The following FNIP1 variants were observed in gnomAD, a reference collection of about 807,000 sequenced individuals.
FNIP1 encodes the protein folliculin-interacting protein 1.
Under a neutral mutation model 124.5 loss-of-function variants are expected in FNIP1, and 40 were observed. The ratio of observed to expected loss-of-function variants is 0.32; its 90% CI spans 0.25 to 0.42. FNIP1 has a LOEUF of 0.42. Among genes scored for constraint, FNIP1 ranks in the 10% least tolerant of loss-of-function variants. The pLI is 1.00. For synonymous variants in FNIP1, 472 were observed against 470.6 expected, an observed-to-expected ratio of 1.00 and a Z score of -0.04; for missense variants, 1,176 against 1,403.7, an observed-to-expected ratio of 0.84 and a Z score of 2.59.
chr5:131,795,119 C>T (rs1423109316), intron 1 of FNIP1, among the ~76,000 whole-genome samples: 1 of 152,138 alleles, frequency 6.6e-6, no homozygotes, highest in African/African-American at 2.4e-5. Flanking sequence ...TCTGTTTCAT[C>T]AGTTTTCATT....
chr5:131,730,854 C>G lies in FNIP1; in HGVS notation c.354+50G>C, dbSNP rs373557321. On this transcript the variant is annotated intron_variant, in intron 3 of 17. Coordinates refer to ENST00000510461, the MANE Select transcript of FNIP1 (RefSeq NM_133372.3). ...TCTCCACAGTCCACTGGATGATGTTCAAAACTAATTATAAATGAATGAATA... is the reference window on the plus strand; with the variant it reads ...TCTCCACAGTCCACTGGATGATGTTGAAAACTAATTATAAATGAATGAATA... The G allele has an allele frequency of 1.1e-5, 17 of 1,498,990 alleles. No individual in the cohort carries two copies. In the African/African-American group the frequency reaches 2.4e-4, roughly 21 times the overall value. The allele number at this position is 1,498,990 out of a possible 1,614,324, so 92.9% of individuals were successfully genotyped here.
At chr5:131,736,474 G>A (rs115280930) in intron 2 of FNIP1, among the ~76,000 whole-genome samples, 1,630 of 152,216 alleles carry the variant, frequency 0.011, 13 homozygotes, top group Non-Finnish European at 0.016. Flanking sequence ...TAAGTACTAC[G>A]CGTTCTAAGC....
intron 2 of FNIP1, among the ~76,000 whole-genome samples, chr5:131,736,240 C>T (rs538474537): frequency 6.6e-6 from 1 of 152,250 alleles, no homozygotes; most frequent in South Asian, 2.1e-4. Context: ...ACTTATTGAT[C>T]ACCAACAAAA....
intron 13 of FNIP1, among the ~76,000 whole-genome samples, chr5:131,674,116 T>G (rs2149515908): frequency 1.3e-5 from 2 of 152,246 alleles, no homozygotes; most frequent in South Asian, 4.1e-4. Flanking sequence ...CTGTTGTTCC[T>G]CTAGCCAGCA....
intron 3 of FNIP1, among the ~76,000 whole-genome samples, chr5:131,729,150 A>T (rs529984959): frequency 3.7e-4 from 56 of 152,140 alleles, no homozygotes; most frequent in Non-Finnish European, 6.8e-4. Flanking sequence ...CCCAGTGAGG[A>T]GTCATAGGGG....
Position 131,706,456 on chromosome 5 carries a change from C to T in FNIP1, c.869G>A (p.Arg290Gln), listed in dbSNP as rs774540208. The T allele has an allele frequency of 1.9e-5, 31 of 1,613,184 alleles. No individual in the cohort carries two copies. Among genetic ancestry groups the T allele is most frequent in the Non-Finnish European group, 2.5e-5 (29 of 1,179,584 alleles). ...SCASSYQRRW[R>Q]RSQTTSLENG... is the part of the protein sequence containing the mutation. ...TTCCAAACTTGTTGTTTGGCTGCGTCGCCAACGTCGCTGGTAGCTGCTGGC... is the reference window on the plus strand; with the variant it reads ...TTCCAAACTTGTTGTTTGGCTGCGTTGCCAACGTCGCTGGTAGCTGCTGGC... The change falls in exon 9 of 18, where the codon CGA becomes CAA. Residue 290 changes from arginine to glutamine, a missense_variant. This residue lies in a region of FNIP1 where 1,109 missense variants were observed against 1,288.5 expected (regional missense o/e 0.86). Transcript: ENST00000510461.
At chr5:131,771,168 A>G (rs977652404) in intron 1 of FNIP1, among the ~76,000 whole-genome samples, 1 of 152,182 alleles carries the variant, frequency 6.6e-6, no homozygotes, top group Non-Finnish European at 1.5e-5. Context: ...CTCAGAATTA[A>G]CTATTAAAAG....
rs750681419 is a variant in FNIP1, at chr5:131,671,810, G to A, written c.2634C>T (p.Asn878=). The A allele has an allele frequency of 1.9e-6, 3 of 1,613,878 alleles. No individual in the cohort carries two copies. The highest frequency in any genetic ancestry group is 2.5e-6 in the Non-Finnish European group (3 of 1,179,936). ...EFSKILCTKN[N]KQNNEFCKCI... ...ATTTACAAAATTCATTGTTCTGCTT[G>A]TTATTTTTTGTACACAATATTTTTG... The change falls in exon 14 of 18, where the codon AAC becomes AAT. Residue 878 remains asparagine, a synonymous_variant. Transcript: ENST00000510461.
chr5:131,646,483 T>A (rs1489758689), intron 17 of FNIP1, among the ~76,000 whole-genome samples: 1 of 152,242 alleles, frequency 6.6e-6, no homozygotes, highest in Non-Finnish European at 1.5e-5. Flanking sequence ...TTGTTTTGCT[T>A]TCTTTAATGG....
chr5:131,716,454 T>C, intron 6 of FNIP1, 111 bp downstream of exon 6: 2 of 623,372 alleles, frequency 3.2e-6, no homozygotes, highest in Non-Finnish European at 5.4e-6. Context: ...CTTACAGTAT[T>C]TGAAATTCTT....
intron 3 of FNIP1, among the ~76,000 whole-genome samples, chr5:131,725,386 T>G (rs577858252): frequency 1.3e-5 from 2 of 152,312 alleles, no homozygotes; most frequent in Non-Finnish European, 2.9e-5. Flanking sequence ...TGAGCAGTGG[T>G]TTGTAGTTCT....
chr5:131,708,467 C>T (rs1204595848), intron 8 of FNIP1, among the ~76,000 whole-genome samples: 3 of 152,138 alleles, frequency 2.0e-5, no homozygotes, highest in African/African-American at 4.8e-5. Flanking sequence ...AGCTAAAATG[C>T]TTTTCTGAGC....
intron 6 of FNIP1, among the ~76,000 whole-genome samples, chr5:131,715,401 G>A (rs915309221): frequency 1.3e-5 from 2 of 152,050 alleles, no homozygotes; most frequent in African/African-American, 2.4e-5. Context: ...CAGGAGGATC[G>A]CTTGAACCCG....
At chr5:131,698,600 T>C (rs1407757813) in intron 11 of FNIP1, among the ~76,000 whole-genome samples, 1 of 152,192 alleles carries the variant, frequency 6.6e-6, no homozygotes, top group Admixed American at 6.5e-5. Flanking sequence ...ACTGGTTAAA[T>C]AACACTTAAC....
intron 2 of FNIP1, among the ~76,000 whole-genome samples, chr5:131,733,149 A>G (rs1041222047): frequency 8.5e-5 from 13 of 152,176 alleles, no homozygotes; most frequent in Non-Finnish European, 1.5e-4. Flanking sequence ...TTGGTGTATA[A>G]GAATGCTTGT....
chr5:131,725,661 C>T (rs1224383157), intron 3 of FNIP1, among the ~76,000 whole-genome samples: 4 of 152,168 alleles, frequency 2.6e-5, no homozygotes, highest in African/African-American at 9.7e-5. Flanking sequence ...ATTTGACTTC[C>T]TCTCTTCCTA....
intron 3 of FNIP1, among the ~76,000 whole-genome samples, chr5:131,725,352 T>C (rs1272235793): frequency 6.6e-6 from 1 of 152,254 alleles, no homozygotes; most frequent in Non-Finnish European, 1.5e-5. Context: ...GTTCTTCCAT[T>C]TGTTTGTATC....
At chr5:131,730,186 G>A (rs781735912) in intron 3 of FNIP1, among the ~76,000 whole-genome samples, 138 of 152,284 alleles carry the variant, frequency 9.1e-4, no homozygotes, top group Middle Eastern at 3.4e-3. Context: ...AAGGCAGGGG[G>A]AACTGTGCAG....
Position 131,672,878 on chromosome 5 carries a change from A to T in FNIP1, c.1566T>A (p.Thr522=), listed in dbSNP as rs1260459388. The T allele has an allele frequency of 1.3e-6, 2 of 1,598,112 alleles. No individual in the cohort carries two copies. Among genetic ancestry groups the T allele is most frequent in the East Asian group, 2.2e-5 (1 of 44,690 alleles). ...AIGSPVRLAR[T]VVVGKRQDMV... is the part of the protein sequence containing the mutation. ...TGTCTTGTCGTTTGCCAACTACCAC[A>T]GTCCTTGCTAACCGTACGGGAGAGC... The change falls in exon 14 of 18, where the codon ACT becomes ACA. Residue 522 remains threonine, a synonymous_variant. Transcript: ENST00000510461.
Sources: gnomAD v4.1 joint callset for allele counts (sites outside exome capture counted in the v4.1 genomes callset) on GRCh38, gnomAD v4.1.1 for gene constraint, gnomAD v4.1.1 regional missense constraint, MANE v1.5 for transcripts, NCBI Gene and HGNC (gene_info 2026-07-23, HGNC 2026-07-21) for gene names.